Variants in DLGAP2 observed in about 807,000 individuals in gnomAD.
DLGAP2 encodes the protein DLG associated protein 2.
In DLGAP2, 26 loss-of-function variants were observed where a neutral mutation model predicts 100.3. The observed-to-expected ratio is 0.26, with a 90% confidence interval of 0.19 to 0.36. The LOEUF (loss-of-function observed/expected upper bound fraction) is 0.36, where lower values mean the gene tolerates loss of function less well. Ranked by LOEUF, DLGAP2 falls within the 10% of genes least tolerant of loss-of-function variation. The pLI, the probability that DLGAP2 is intolerant of heterozygous loss-of-function variation, is 1.00. For synonymous variants in DLGAP2, 886 were observed against 630.1 expected (o/e 1.41, Z -6.08); for missense variants, 1,858 against 1,453.2 (o/e 1.28, Z -4.53).
At chr8:1,363,450 C>T (rs1291633252) in intron 3 of DLGAP2, among the ~76,000 whole-genome samples, 1 of 152,208 alleles carries the variant, frequency 6.6e-6, no homozygotes, top group African/African-American at 2.4e-5. Flanking sequence ...GCCCTCCGTC[C>T]CCCACACGCG....
chr8:791,871 T>A (rs1450106632), intron 1 of DLGAP2, among the ~76,000 whole-genome samples: 1 of 152,200 alleles, frequency 6.6e-6, no homozygotes, highest in Non-Finnish European at 1.5e-5. Context: ...TGCACTGTTT[T>A]CTGAGCCATA....
intron 2 of DLGAP2, among the ~76,000 whole-genome samples, chr8:1,044,288 G>A (rs1802455673): frequency 6.6e-6 from 1 of 152,164 alleles, no homozygotes; most frequent in East Asian, 1.9e-4. Context: ...AAAAGATGGG[G>A]GTTCATGATT....
chr8:906,441 T>G (rs1221127871), intron 1 of DLGAP2, among the ~76,000 whole-genome samples: 2 of 152,060 alleles, frequency 1.3e-5, no homozygotes, highest in African/African-American at 4.8e-5. Flanking sequence ...CTTTGGAAAG[T>G]GCTGGAAAAG....
chr8:1,274,938 G>A (rs555115765), intron 3 of DLGAP2, among the ~76,000 whole-genome samples: 6 of 152,060 alleles, frequency 3.9e-5, no homozygotes, highest in East Asian at 3.9e-4. Flanking sequence ...TAGGAATTGC[G>A]GCAGCCATGA....
chr8:1,226,848 T>A (rs909021464), intron 2 of DLGAP2, among the ~76,000 whole-genome samples: 3 of 151,860 alleles, frequency 2.0e-5, no homozygotes, highest in Non-Finnish European at 4.4e-5. Context: ...AGCATAGCTA[T>A]GAAAAGAGAG....
At chr8:905,365 G>A (rs1296605301) in intron 1 of DLGAP2, among the ~76,000 whole-genome samples, 1 of 152,172 alleles carries the variant, frequency 6.6e-6, no homozygotes, top group Admixed American at 6.5e-5. Flanking sequence ...AGAATGGACA[G>A]TGCACAGCTG....
intron 6 of DLGAP2, among the ~76,000 whole-genome samples, chr8:1,602,430 C>T (rs1162129119): frequency 6.6e-6 from 1 of 152,228 alleles, no homozygotes; most frequent in African/African-American, 2.4e-5. Context: ...CCAGCTTTAA[C>T]AGTGAAAGGC....
chr8:1,441,855 G>C (rs771328483), intron 3 of DLGAP2, among the ~76,000 whole-genome samples: 1 of 150,946 alleles, frequency 6.6e-6, no homozygotes, highest in Non-Finnish European at 1.5e-5. Flanking sequence ...GGTTTGTTAC[G>C]TAGGTAAACA....
At chr8:1,302,687 T>C (rs2116998757) in intron 3 of DLGAP2, 1 of 152,354 alleles carries the variant, frequency 6.6e-6, no homozygotes, top group Admixed American at 6.5e-5. Context: ...CATCAGATCG[T>C]CCTATGAGAA....
At chr8:1,370,294 C>T (rs552227997) in intron 3 of DLGAP2, among the ~76,000 whole-genome samples, 4 of 152,218 alleles carry the variant, frequency 2.6e-5, no homozygotes, top group South Asian at 4.1e-4. Context: ...CCCCGAAGGT[C>T]GGCAGCAGTC....
chr8:1,240,687 T>C (rs1225464523), intron 2 of DLGAP2, among the ~76,000 whole-genome samples: 1 of 151,296 alleles, frequency 6.6e-6, no homozygotes, highest in African/African-American at 2.4e-5. Context: ...CATGGCGCCA[T>C]GTCTGGTTCT....
intron 4 of DLGAP2, among the ~76,000 whole-genome samples, chr8:1,545,861 C>G (rs1801517268): frequency 6.6e-6 from 1 of 152,048 alleles, no homozygotes; most frequent in South Asian, 2.1e-4. Context: ...AGCTTCTAGG[C>G]TAAACATTAG....
chr8:1,383,305 T>C (rs979138566), intron 3 of DLGAP2, among the ~76,000 whole-genome samples: 30 of 152,200 alleles, frequency 2.0e-4, no homozygotes, highest in African/African-American at 6.5e-4. Flanking sequence ...TTCTCAAATA[T>C]GGAAAAGGTG....
chr8:1,114,416 T>C (rs544000211), intron 2 of DLGAP2, among the ~76,000 whole-genome samples: 7 of 152,302 alleles, frequency 4.6e-5, no homozygotes, highest in African/African-American at 1.7e-4. Context: ...TTCTTCCTGG[T>C]TCAGTCTTGG....
chr8:743,520 C>CA (rs1343963584), intron 1 of DLGAP2, among the ~76,000 whole-genome samples: 1 of 152,172 alleles, frequency 6.6e-6, no homozygotes, highest in Non-Finnish European at 1.5e-5. Context: ...AAGCAAAACT[C>CA]ACATGCACAG....
intron 1 of DLGAP2, among the ~76,000 whole-genome samples, chr8:862,051 C>G (rs1447120363): frequency 8.5e-5 from 13 of 152,184 alleles, no homozygotes; most frequent in Admixed American, 2.0e-4. Flanking sequence ...GTTTCTAACA[C>G]AGTTTTCTGT....
chr8:897,757 A>C (rs1427718800), intron 1 of DLGAP2, among the ~76,000 whole-genome samples: 1 of 151,396 alleles, frequency 6.6e-6, no homozygotes, highest in Non-Finnish European at 1.5e-5. Context: ...CGAGCACCGC[A>C]GATGCTCTTC....
At chr8:1,407,954 G>A (rs1434283147) in intron 3 of DLGAP2, among the ~76,000 whole-genome samples, 1 of 152,194 alleles carries the variant, frequency 6.6e-6, no homozygotes, top group Non-Finnish European at 1.5e-5. Context: ...GCATTTCCTT[G>A]TTGGGGGTTG....
Position 1,442,040 on chromosome 8 carries a change from C to T in DLGAP2, c.107-59326C>T, listed in dbSNP as rs1229666711. Among the ~76,000 whole-genome samples the T allele has an allele frequency of 2.6e-5, 4 of 152,320 alleles. No individual in the cohort carries two copies. The East Asian group carries it at 7.7e-4, about 29-fold the overall frequency. ...TGACCAGTTTCTAAGGGGAACTGTGCACACAGACCCAGAGGGCACCTTACT... is the reference window on the plus strand; with the variant it reads ...TGACCAGTTTCTAAGGGGAACTGTGTACACAGACCCAGAGGGCACCTTACT... On this transcript the variant is annotated intron_variant, in intron 3 of 14. Transcript: ENST00000637795.
Sources: gnomAD v4.1 joint callset for allele counts (sites outside exome capture counted in the v4.1 genomes callset) on GRCh38, gnomAD v4.1.1 for gene constraint, MANE v1.5 for transcripts, NCBI Gene and HGNC (gene_info 2026-07-23, HGNC 2026-07-21) for gene names.